PPP4R2: variants seen among roughly 807,000 people sequenced by gnomAD.
The protein encoded by PPP4R2 is serine/threonine-protein phosphatase 4 regulatory subunit 2.
In PPP4R2, 13 loss-of-function variants were observed where a neutral mutation model predicts 47.2. That is an observed-to-expected ratio of 0.28 (90% CI 0.18 to 0.44). The LOEUF (loss-of-function observed/expected upper bound fraction) is 0.44, where lower values mean the gene tolerates loss of function less well. PPP4R2 is among the 20% of genes least tolerant of loss of function. PPP4R2 has a pLI of 1.00. For missense variants in PPP4R2, 421 were observed against 491.2 expected, an observed-to-expected ratio of 0.86 and a Z score of 1.35; for synonymous variants, 151 against 163.3, an observed-to-expected ratio of 0.92 and a Z score of 0.57.
chr3:73,060,123 A>T (rs910198527), intron 4 of PPP4R2, among the ~76,000 whole-genome samples: 6 of 152,116 alleles, frequency 3.9e-5, no homozygotes, highest in African/African-American at 1.4e-4. Context: ...TCATTTAAGG[A>T]TCTGGTTCAA....
rs200829857 is a variant in PPP4R2, at chr3:73,065,618, G to C, written c.1150G>C (p.Val384Leu). ...TGACTGCCGTGAAACAGAAGAATTA[G>C]TAGGATCCAATTCCAGTAAAACTGG... ...SSDCRETEEL[V>L]GSNSSKTGEI... Residue 384 changes from valine (V) to leucine (L), a missense_variant, in exon 9 of 9, where the codon GTA becomes CTA. Coordinates refer to ENST00000356692, the MANE Select transcript of PPP4R2 (RefSeq NM_174907.4). The C allele has an allele frequency of 8.0e-5, 129 of 1,613,340 alleles. 1 individual carries two copies. The highest frequency in any genetic ancestry group is 1.0e-4 in the Non-Finnish European group (123 of 1,179,460).
intron 2 of PPP4R2, among the ~76,000 whole-genome samples, chr3:73,040,231 CA>C (rs1297135525): frequency 6.6e-6 from 1 of 152,120 alleles, no homozygotes; most frequent in African/African-American, 2.4e-5. Context: ...AGCATATTGA[CA>C]GAATTTTTGA....
chr3:73,062,728 T>G lies in PPP4R2; in HGVS notation c.420-945T>G, dbSNP rs2231927. ...GTTCAGAGACGATTCAAGGCAATGA[T>G]GGCATCTATTGGAAGACTTTCACAT... On this transcript the variant is annotated intron_variant, in intron 5 of 8. Transcript: ENST00000356692. 2.4e-3 allele frequency: 3,806 copies of G among 1,614,012 alleles called. 129 individuals carry two copies. In the Admixed American group the frequency reaches 0.055, roughly 23 times the overall value.
At chr3:73,053,908 C>A (rs866461250) in intron 3 of PPP4R2, among the ~76,000 whole-genome samples, 760 of 103,062 alleles carry the variant, frequency 7.4e-3, no homozygotes, top group South Asian at 0.011. Flanking sequence ...GACACCATCT[C>A]AAAAAAAAAA....
Position 73,028,381 on chromosome 3 carries a change from T to C in PPP4R2, c.117-18805T>C, listed in dbSNP as rs116145912. Among the ~76,000 whole-genome samples the C allele has an allele frequency of 6.6e-3, 999 of 151,364 alleles. 19 individuals are homozygous for C. Among genetic ancestry groups the C allele is most frequent in the African/African-American group, 0.023 (954 of 41,228 alleles). The stretch of plus-strand genomic sequence containing the variant: ...AATAAGATGGTCAGGGGAAGTCTCA[T>C]TTAGAAGGTGACATTTGATCGAGGC... On this transcript the variant is annotated intron_variant, in intron 2 of 8. Transcript: ENST00000356692.
At chr3:73,062,718 A>C (rs1702893579) in intron 5 of PPP4R2, 2 of 1,613,894 alleles carry the variant, frequency 1.2e-6, no homozygotes, top group Middle Eastern at 1.6e-4. Flanking sequence ...GAGACGATTC[A>C]AGGCAATGAT....
chr3:73,018,368 T>G (rs988263059), intron 2 of PPP4R2, among the ~76,000 whole-genome samples: 2 of 135,918 alleles, frequency 1.5e-5, no homozygotes, highest in African/African-American at 5.7e-5. Context: ...TTGGAACCAG[T>G]TCCTAAAGTA....
intron 3 of PPP4R2, among the ~76,000 whole-genome samples, chr3:73,055,927 A>C (rs910076047): frequency 6.6e-6 from 1 of 152,130 alleles, no homozygotes; most frequent in African/African-American, 2.4e-5. Context: ...ATTTTACAGT[A>C]TAACTTTGCT....
chr3:73,004,874 T>TG (rs1701565555), intron 2 of PPP4R2, among the ~76,000 whole-genome samples: 1 of 57,000 alleles, frequency 1.8e-5, no homozygotes, highest in Admixed American at 1.4e-4. Flanking sequence ...TGTGTGTTTG[T>TG]TTGTTTGTTT....
At chr3:73,012,304 C>T (rs1402534615) in intron 2 of PPP4R2, among the ~76,000 whole-genome samples, 1 of 151,998 alleles carries the variant, frequency 6.6e-6, no homozygotes, top group African/African-American at 2.4e-5. Flanking sequence ...AATATTTTCT[C>T]CTTCTTTTTT....
intron 2 of PPP4R2, among the ~76,000 whole-genome samples, chr3:73,004,859 G>GTT (rs1379247246): frequency 5.9e-5 from 3 of 51,228 alleles, no homozygotes; most frequent in Non-Finnish European, 1.2e-4. Context: ...GTGTGTGTGT[G>GTT]TGTGTGTGTG....
intron 1 of PPP4R2, 88 bp downstream of exon 1, chr3:72,997,159 G>A: frequency 9.1e-7 from 1 of 1,097,834 alleles, no homozygotes; most frequent in Non-Finnish European, 1.2e-6. Flanking sequence ...CGAGGACCGG[G>A]GCCGGGCGCG....
At chr3:73,034,950 T>C (rs1702235955) in intron 2 of PPP4R2, among the ~76,000 whole-genome samples, 1 of 152,044 alleles carries the variant, frequency 6.6e-6, no homozygotes, top group South Asian at 2.1e-4. Flanking sequence ...TGAATGGGAT[T>C]ACATCAAGCT....
At chr3:73,026,981 T>C (rs1559554961) in intron 2 of PPP4R2, among the ~76,000 whole-genome samples, 2 of 152,204 alleles carry the variant, frequency 1.3e-5, no homozygotes, top group South Asian at 2.1e-4. Context: ...GATAATAAAA[T>C]GCGGAGAGTA....
At chr3:73,031,048 T>C (rs1049236656) in intron 2 of PPP4R2, among the ~76,000 whole-genome samples, 1 of 151,902 alleles carries the variant, frequency 6.6e-6, no homozygotes, top group Non-Finnish European at 1.5e-5. Context: ...GGGAGAGAGG[T>C]TGTCAGAGGG....
chr3:73,062,553 G>A (rs747547555), intron 5 of PPP4R2: 10 of 1,613,852 alleles, frequency 6.2e-6, no homozygotes, highest in Non-Finnish European at 7.6e-6. Context: ...GAATGAGAAC[G>A]AGGAAAGGGG....
Position 73,065,424 on chromosome 3 carries a change from T to C in PPP4R2, c.956T>C (p.Ile319Thr). The C allele has an allele frequency of 6.2e-7, 1 of 1,603,340 alleles. No homozygotes were observed. The highest frequency in any genetic ancestry group is 8.5e-7 in the Non-Finnish European group (1 of 1,175,432). ...EESFMTSREM[I>T]PERKNQEKES... The stretch of plus-strand genomic sequence containing the variant: ...TCTTTTATGACATCAAGAGAAATGA[T>C]CCCAGAAAGAAAAAATCAAGAAAAA... The change falls in exon 9 of 9, where the codon ATC (isoleucine) becomes ACC (threonine). Residue 319 changes from isoleucine to threonine, a missense_variant. By Grantham distance (89) the Ile-to-Thr change is moderately conservative. This residue lies in a region of PPP4R2 where 317 missense variants were observed against 287.5 expected (regional missense o/e 1.10). Transcript: ENST00000356692.
At chr3:73,029,955 T>C (rs978084563) in intron 2 of PPP4R2, among the ~76,000 whole-genome samples, 2 of 152,204 alleles carry the variant, frequency 1.3e-5, no homozygotes, top group Admixed American at 6.5e-5. Context: ...TCTTGATAAA[T>C]GCAGATTAGG....
In PPP4R2 at chr3:73,065,056, A is replaced by C; in HGVS notation, c.843A>C (p.Ser281=). 1 of 1,613,920 alleles carries C rather than the reference A, an allele frequency of 6.2e-7. No individual in the cohort carries two copies. The highest frequency in any genetic ancestry group is 2.2e-5 in the East Asian group (1 of 44,890). The change falls in exon 8 of 9, where the codon TCA becomes TCC. Residue 281 remains serine, a synonymous_variant. Transcript: ENST00000356692. The part of the protein sequence containing the change: ...VMVGETEASS[S]SQDKDKDSRC... ...TAGGAGAAACAGAAGCATCATCTTC[A>C]TCTCAGGATAAAGACAAAGATAGCC...
Sources: gnomAD v4.1 joint callset for allele counts (sites outside exome capture counted in the v4.1 genomes callset) on GRCh38, gnomAD v4.1.1 for gene constraint, gnomAD v4.1.1 regional missense constraint, MANE v1.5 for transcripts, NCBI Gene and HGNC (gene_info 2026-07-23, HGNC 2026-07-21) for gene names.